The following PAK4 variants were observed in gnomAD, a reference collection of about 807,000 sequenced individuals.
PAK4 encodes the protein p21 (RAC1) activated kinase 4, also known as serine/threonine-protein kinase PAK 4.
PAK4 carries 49 observed loss-of-function variants against 53.5 expected under a neutral mutation model. The ratio of observed to expected loss-of-function variants is 0.92; its 90% CI spans 0.73 to 1.16. The LOEUF is 1.16. Among genes scored for constraint, PAK4 ranks in the 50% most tolerant of loss-of-function variants. The probability of loss-of-function intolerance (pLI) is 0.00; values close to 1 mark genes in which losing one functional copy is unlikely to be tolerated. For missense variants in PAK4, 824 were observed against 850.7 expected, an observed-to-expected ratio of 0.97 and a Z score of 0.39; for synonymous variants, 376 against 375.6, an observed-to-expected ratio of 1.00 and a Z score of -0.01.
chr19:39,175,471 C>A lies in PAK4; in HGVS notation c.1359+33C>A. 6.3e-7 allele frequency: 1 copy of A among 1,577,616 alleles called. No individual in the cohort carries two copies. The highest frequency in any genetic ancestry group is 8.6e-7 in the Non-Finnish European group (1 of 1,160,336). On this transcript the variant is annotated intron_variant, in intron 6 of 8. Coordinates refer to ENST00000358301, the Ensembl canonical transcript of PAK4. The surrounding 1 kb of genome is among the most constrained non-coding windows in gnomAD (Gnocchi z 4.7). The stretch of plus-strand genomic sequence containing the variant: ...GACGGGCGGCGGGGTACGGGGGCGG[C>A]AGGTTTCCGGCTGCGGGGCTTCCCT...
intron 1 of PAK4, among the ~76,000 whole-genome samples, chr19:39,131,187 C>T (rs1385195192): frequency 6.6e-6 from 1 of 152,144 alleles, no homozygotes; most frequent in Admixed American, 6.5e-5. Flanking sequence ...TCACTGATTA[C>T]TGGGGCTGCC....
At chr19:39,156,702 A>G (rs2074188836) in intron 1 of PAK4, 1 of 152,014 alleles carries the variant, frequency 6.6e-6, no homozygotes, top group African/African-American at 2.4e-5. Context: ...AGGCTGGAGC[A>G]TAGAGCCCAG....
At chr19:39,135,248 A>G (rs933398022) in intron 1 of PAK4, 2 of 148,186 alleles carry the variant, frequency 1.3e-5, no homozygotes, top group East Asian at 2.0e-4. Flanking sequence ...TGAGCCCCTC[A>G]TGTTATTTTG....
At chr19:39,140,663 T>TC (rs2073894335) in intron 1 of PAK4, among the ~76,000 whole-genome samples, 2 of 152,280 alleles carry the variant, frequency 1.3e-5, no homozygotes, top group African/African-American at 4.8e-5. Flanking sequence ...GTCCCGTATG[T>TC]CCCCACTCAC....
chr19:39,144,769 C>T (rs973167519), intron 1 of PAK4, among the ~76,000 whole-genome samples: 4 of 144,760 alleles, frequency 2.8e-5, no homozygotes, highest in East Asian at 4.6e-4. Flanking sequence ...GGGAAGTGTG[C>T]ATGTGTGTGA....
At chr19:39,137,958 G>A (rs921565987) in intron 1 of PAK4, among the ~76,000 whole-genome samples, 1 of 149,764 alleles carries the variant, frequency 6.7e-6, no homozygotes, top group Non-Finnish European at 1.5e-5. Flanking sequence ...GAGCCACTGT[G>A]CCTAGTGTCT....
intron 6 of PAK4, 193 bp from the exon 8 acceptor site, chr19:39,176,397 C>A: frequency 1.4e-6 from 1 of 704,688 alleles, no homozygotes; most frequent in Non-Finnish European, 2.4e-6. Context: ...GTGACTTGCC[C>A]GAGGGCCCCC....
At chr19:39,166,641 G>T (rs1165056903) in intron 1 of PAK4, among the ~76,000 whole-genome samples, 1 of 152,186 alleles carries the variant, frequency 6.6e-6, no homozygotes, top group African/African-American at 2.4e-5. Flanking sequence ...GCTGGGGTTT[G>T]GAGCCCTAGG....
intron 1 of PAK4, among the ~76,000 whole-genome samples, chr19:39,157,100 C>G (rs907656675): frequency 6.6e-6 from 1 of 152,094 alleles, no homozygotes; most frequent in Non-Finnish European, 1.5e-5. Context: ...CTGGCTTGCA[C>G]GAGGGCAGAA....
chr19:39,165,514 CAAAATAAA>C (rs2074358866), intron 1 of PAK4, among the ~76,000 whole-genome samples: 1 of 49,190 alleles, frequency 2.0e-5, no homozygotes, highest in Non-Finnish European at 4.6e-5. Context: ...GACTCCCTCT[CAAAATAAA>C]TAAATAAATA....
At chr19:39,128,298 G>A (rs550262197) in intron 1 of PAK4, among the ~76,000 whole-genome samples, 142 of 152,278 alleles carry the variant, frequency 9.3e-4, no homozygotes, top group African/African-American at 3.2e-3. Flanking sequence ...CCCCACCACT[G>A]CCTGGGGAGG....
intron 1 of PAK4, among the ~76,000 whole-genome samples, chr19:39,146,763 G>A (rs1332059382): frequency 6.6e-6 from 1 of 152,022 alleles, no homozygotes; most frequent in Non-Finnish European, 1.5e-5. Flanking sequence ...CTTGAGCCTG[G>A]GAGGTTGAAG....
intron 1 of PAK4, among the ~76,000 whole-genome samples, chr19:39,127,485 C>T (rs574433932): frequency 6.6e-6 from 1 of 152,198 alleles, no homozygotes; most frequent in South Asian, 2.1e-4. Flanking sequence ...CCCTCCTTAC[C>T]TTAATTATTA....
intron 1 of PAK4, among the ~76,000 whole-genome samples, chr19:39,133,208 T>C (rs1364385595): frequency 6.6e-6 from 1 of 152,272 alleles, no homozygotes; most frequent in Non-Finnish European, 1.5e-5. Flanking sequence ...ATGAGGGTGC[T>C]AATGATATCT....
intron 1 of PAK4, among the ~76,000 whole-genome samples, chr19:39,154,011 G>A (rs961248526): frequency 6.6e-6 from 1 of 152,144 alleles, no homozygotes; most frequent in South Asian, 2.1e-4. Flanking sequence ...AGTATTGTTC[G>A]ATGTTTTTGC....
At chr19:39,177,957 G>T in intron 8 of PAK4, 148 bp downstream of exon 9, 2 of 908,174 alleles carry the variant, frequency 2.2e-6, no homozygotes, top group Admixed American at 3.0e-5. Context: ...CGGGCCTCAT[G>T]TGTCTGTGCA....
intron 2 of PAK4, among the ~76,000 whole-genome samples, chr19:39,171,695 C>T (rs2074483507): frequency 6.6e-6 from 1 of 152,210 alleles, no homozygotes; most frequent in Admixed American, 6.5e-5. Flanking sequence ...CTGGCAGCCC[C>T]AGGCAGGGTC....
At chr19:39,170,320 A>G (rs1020576513) in intron 2 of PAK4, among the ~76,000 whole-genome samples, 1 of 151,374 alleles carries the variant, frequency 6.6e-6, no homozygotes, top group African/African-American at 2.4e-5. Context: ...TAGTGGAGAA[A>G]ATCACTCCTG....
chr19:39,153,733 C>T (rs2074131946), intron 1 of PAK4, among the ~76,000 whole-genome samples: 1 of 152,190 alleles, frequency 6.6e-6, no homozygotes, highest in African/African-American at 2.4e-5. Context: ...TGAACCACCC[C>T]ACCTGGCCTT....
Sources: allele counts gnomAD v4.1 joint callset (sites outside exome capture counted in the v4.1 genomes callset), GRCh38; gene constraint gnomAD v4.1.1; non-coding constraint Gnocchi (gnomAD v3.1); transcripts MANE v1.5; gene names NCBI Gene and HGNC (gene_info 2026-07-23, HGNC 2026-07-21).